Variants in ATAD2B observed in about 807,000 individuals in gnomAD.
ATAD2B encodes ATPase family AAA domain-containing protein 2B.
In ATAD2B, 40 loss-of-function variants were observed where a neutral mutation model predicts 167.6. The observed-to-expected ratio is 0.24, with a 90% confidence interval of 0.19 to 0.31. The LOEUF (loss-of-function observed/expected upper bound fraction) is 0.31, where lower values mean the gene tolerates loss of function less well. ATAD2B is among the 10% of genes least tolerant of loss of function. ATAD2B has a pLI of 1.00. For synonymous variants in ATAD2B, 579 were observed against 596.5 expected (o/e 0.97, Z 0.43); for missense variants, 1,242 against 1,757.2 (o/e 0.71, Z 5.24).
At chr2:23,703,864 G>A in the ATAD2B span, 3 of 1,535,756 alleles carry the variant, frequency 2.0e-6, no homozygotes, top group Non-Finnish European at 2.6e-6. Flanking sequence ...AGTTCTGCAG[G>A]TGAGAGGCTG....
chr2:23,805,033 C>T (rs762775870), intron 18 of ATAD2B, among the ~76,000 whole-genome samples: 22 of 151,480 alleles, frequency 1.5e-4, no homozygotes, highest in Non-Finnish European at 2.7e-4. Flanking sequence ...ATCCCACCTA[C>T]TCGGGAGGCT....
intron 25 of ATAD2B, among the ~76,000 whole-genome samples, chr2:23,756,638 C>T (rs889688622): frequency 6.6e-6 from 1 of 152,114 alleles, no homozygotes; most frequent in Non-Finnish European, 1.5e-5. Context: ...TTAAATGAAT[C>T]ATGTAGCCAT....
chr2:23,859,670 G>A (rs1341073428), intron 12 of ATAD2B, among the ~76,000 whole-genome samples: 2 of 152,090 alleles, frequency 1.3e-5, no homozygotes, highest in Admixed American at 6.6e-5. Context: ...ATTGCCGGCC[G>A]GGCTTGGTGG....
intron 7 of ATAD2B, among the ~76,000 whole-genome samples, chr2:23,877,430 G>A (rs868452904): frequency 1.3e-5 from 2 of 149,228 alleles, no homozygotes; most frequent in African/African-American, 5.0e-5. Flanking sequence ...GGAGGCAGAG[G>A]TTGCAGTGAG....
intron 13 of ATAD2B, among the ~76,000 whole-genome samples, chr2:23,855,095 G>A (rs1693170295): frequency 1.3e-5 from 2 of 151,920 alleles, no homozygotes; most frequent in Non-Finnish European, 2.9e-5. Flanking sequence ...TCGAGAGGCT[G>A]AGCCAGGAGA....
At chr2:23,887,726 A>C (rs745413949) in intron 4 of ATAD2B, 106 bp downstream of exon 4, 13 of 1,012,212 alleles carry the variant, frequency 1.3e-5, no homozygotes, top group Non-Finnish European at 1.8e-5. Context: ...AAGTTTTTAA[A>C]GAACTGTATT....
the ATAD2B span, among the ~76,000 whole-genome samples, chr2:23,681,436 T>C: frequency 6.6e-6 from 1 of 152,134 alleles, no homozygotes; most frequent in African/African-American, 2.4e-5. The surrounding 1 kb of genome is among the most constrained non-coding windows in gnomAD (Gnocchi z 4.2). Context: ...GGGCTTTAGA[T>C]AGAATCATTG....
At chr2:23,853,401 T>C (rs1423017799) in intron 13 of ATAD2B, among the ~76,000 whole-genome samples, 5 of 152,184 alleles carry the variant, frequency 3.3e-5, no homozygotes, top group Admixed American at 2.0e-4. Context: ...ATAAACTCAG[T>C]TGTATTTTTA....
chr2:23,864,962 TTA>T (rs765093832), intron 10 of ATAD2B, 38 bp from the exon 11 acceptor site: 10 of 1,173,420 alleles, frequency 8.5e-6, no homozygotes, highest in African/African-American at 8.1e-5. Context: ...TCAAACAATT[TTA>T]TATGTTTTAT....
chr2:23,736,323 T>C, the ATAD2B span, among the ~76,000 whole-genome samples: 2 of 152,156 alleles, frequency 1.3e-5, no homozygotes, highest in Non-Finnish European at 2.9e-5. Context: ...ATTTTTGCCT[T>C]CTGGAAAGCA....
intron 24 of ATAD2B, among the ~76,000 whole-genome samples, chr2:23,760,699 T>TATATATAC (rs1313618301): frequency 4.0e-5 from 5 of 123,640 alleles, no homozygotes; most frequent in African/African-American, 9.2e-5. Flanking sequence ...TTTATATATA[T>TATATATAC]ACACACACAC....
the ATAD2B span, among the ~76,000 whole-genome samples, chr2:23,720,275 A>T: frequency 6.6e-5 from 10 of 152,188 alleles, no homozygotes; most frequent in Admixed American, 6.5e-4. Flanking sequence ...TATGGTGATC[A>T]AAAGTCCAGG....
Position 23,844,947 on chromosome 2 carries a change from T to G in ATAD2B, c.1569-10869A>C, listed in dbSNP as rs1029199680. Among the ~76,000 whole-genome samples, 14 of 80,910 alleles carry G rather than the reference T, an allele frequency of 1.7e-4. 1 individual carries two copies. In the Middle Eastern group the frequency reaches 0.021, roughly 122 times the overall value. The allele number at this position is 80,910 out of a possible 152,430, so 53.1% of individuals were successfully genotyped here. Reference sequence around the variant, plus strand: ...ATATCATTAAATTGCACAAAACCAGTCAAGAAGGAAAAAAAAACCTAAATG... The same window carrying G: ...ATATCATTAAATTGCACAAAACCAGGCAAGAAGGAAAAAAAAACCTAAATG... On this transcript the variant is annotated intron_variant, in intron 13 of 27. Coordinates refer to ENST00000238789, the MANE Select transcript of ATAD2B (RefSeq NM_017552.4).
At chr2:23,919,178 A>AT in intron 1 of ATAD2B, among the ~76,000 whole-genome samples, 1 of 136,688 alleles carries the variant, frequency 7.3e-6, no homozygotes, top group African/African-American at 2.5e-5. Flanking sequence ...CCCCATCTCT[A>AT]TTAAAAAAAA....
intron 1 of ATAD2B, among the ~76,000 whole-genome samples, chr2:23,924,044 G>C (rs1453495650): frequency 2.0e-5 from 3 of 152,074 alleles, no homozygotes; most frequent in Non-Finnish European, 4.4e-5. Context: ...TTAGCCGGGC[G>C]TGGTGGCGGG....
At chr2:23,871,430 CT>C (rs1695964376) in intron 8 of ATAD2B, among the ~76,000 whole-genome samples, 1 of 152,222 alleles carries the variant, frequency 6.6e-6, no homozygotes, top group Non-Finnish European at 1.5e-5. Context: ...TCAAGGCCTA[CT>C]ATACCCGAGC....
At chr2:23,911,939 C>A (rs1310734224) in intron 1 of ATAD2B, among the ~76,000 whole-genome samples, 1 of 143,410 alleles carries the variant, frequency 7.0e-6, no homozygotes, top group Admixed American at 7.2e-5. Context: ...CACGCCATTG[C>A]ATACTCCAGC....
intron 14 of ATAD2B, among the ~76,000 whole-genome samples, chr2:23,830,161 T>G (rs2149713183): frequency 6.6e-6 from 1 of 152,170 alleles, no homozygotes; most frequent in Non-Finnish European, 1.5e-5. Context: ...TTTTTGTATT[T>G]TTAGTAGAGA....
intron 18 of ATAD2B, among the ~76,000 whole-genome samples, chr2:23,807,911 T>A (rs1365119733): frequency 7.6e-6 from 1 of 131,174 alleles, no homozygotes; most frequent in Non-Finnish European, 1.6e-5. Context: ...TATATAAATA[T>A]AAATATATAA....
Sources: gnomAD v4.1 joint callset for allele counts (sites outside exome capture counted in the v4.1 genomes callset) on GRCh38, gnomAD v4.1.1 for gene constraint, Gnocchi (gnomAD v3.1) non-coding constraint, MANE v1.5 for transcripts, NCBI Gene and HGNC (gene_info 2026-07-23, HGNC 2026-07-21) for gene names.